The following FOCAD variants were observed in gnomAD, a reference collection of about 807,000 sequenced individuals.
FOCAD encodes the protein focadhesin, also known as KIAA1797.
Under a neutral mutation model 225.6 loss-of-function variants are expected in FOCAD, and 198 were observed. The ratio of observed to expected loss-of-function variants is 0.88; its 90% CI spans 0.78 to 0.99. The LOEUF is 0.99. Among genes scored for constraint, FOCAD ranks in the 50% least tolerant of loss-of-function variants. The pLI is 0.00. For missense variants in FOCAD, 2,713 were observed against 2,123.6 expected, an observed-to-expected ratio of 1.28 and a Z score of -5.46; for synonymous variants, 897 against 755.0, an observed-to-expected ratio of 1.19 and a Z score of -3.08.
chr9:20,870,289 C>T (rs1245794522), intron 18 of FOCAD, among the ~76,000 whole-genome samples: 1 of 152,184 alleles, frequency 6.6e-6, no homozygotes, highest in Non-Finnish European at 1.5e-5. Context: ...TCATCAGAAG[C>T]TGTTTCTCTT....
At chr9:20,682,461 T>G (rs983115885), upstream of FOCAD, among the ~76,000 whole-genome samples, 2 of 152,236 alleles carry the variant, frequency 1.3e-5, no homozygotes, top group African/African-American at 4.8e-5. Context: ...TACTTCAGGT[T>G]CCTTATTTAT....
rs762541869 is a variant in FOCAD at position 20,929,646 on chromosome 9, A to G, written c.3317+50A>G. The stretch of plus-strand genomic sequence containing the variant: ...CTTTTCTTCTTTGTGATTTTTTGCA[A>G]AGGATTTTGCACCCATATGCACCTA... On this transcript the variant is annotated intron_variant, in intron 27 of 43. Transcript: ENST00000338382. 98 of 1,559,422 alleles carry G rather than the reference A, an allele frequency of 6.3e-5. 1 individual carries two copies. The Admixed American group carries it at 1.6e-3, about 25-fold the overall frequency.
At chr9:20,678,009 T>G (rs1401114310) in intron 2 of FOCAD, among the ~76,000 whole-genome samples, 1 of 152,210 alleles carries the variant, frequency 6.6e-6, no homozygotes. Flanking sequence ...TTTTTATATA[T>G]CCTTTGCTTT....
chr9:20,940,247 A>G (rs976536503), intron 28 of FOCAD, among the ~76,000 whole-genome samples: 2 of 150,260 alleles, frequency 1.3e-5, no homozygotes, highest in African/African-American at 4.9e-5. Flanking sequence ...CATCATTACT[A>G]ATGCTCTCTA....
At chr9:20,944,804 C>T (rs1221510129) in intron 29 of FOCAD, 30 bp downstream of exon 29, 1 of 1,583,370 alleles carries the variant, frequency 6.3e-7, no homozygotes, top group South Asian at 1.1e-5. Context: ...TTTTTTTCCC[C>T]TCTGCTCTCT....
intron 39 of FOCAD, among the ~76,000 whole-genome samples, chr9:20,985,738 T>C (rs1460505651): frequency 6.6e-6 from 1 of 152,192 alleles, no homozygotes; most frequent in Admixed American, 6.5e-5. Context: ...CAAGGGCCAA[T>C]GTTTAATGGA....
intron 2 of FOCAD, among the ~76,000 whole-genome samples, chr9:20,659,679 C>T (rs1389309827): frequency 6.6e-6 from 1 of 152,194 alleles, no homozygotes; most frequent in Non-Finnish European, 1.5e-5. Context: ...CTAAGTCACC[C>T]AACCTGTGAT....
chr9:20,745,626 C>G (rs192461003), intron 5 of FOCAD, among the ~76,000 whole-genome samples: 1 of 152,234 alleles, frequency 6.6e-6, no homozygotes, highest in Non-Finnish European at 1.5e-5. Context: ...GATCTCTCTT[C>G]CCTCAGCTAA....
At chr9:20,894,589 C>A (rs12551121) in intron 21 of FOCAD, among the ~76,000 whole-genome samples, 41,702 of 151,902 alleles carry the variant, frequency 0.27, 5,961 homozygotes, top group South Asian at 0.37. Flanking sequence ...TATTTTAATT[C>A]GCATATCCCT....
At chr9:20,758,345 T>C (rs1399549031) in intron 6 of FOCAD, among the ~76,000 whole-genome samples, 154 bp downstream of exon 6, 1 of 151,888 alleles carries the variant, frequency 6.6e-6, no homozygotes, top group Non-Finnish European at 1.5e-5. Context: ...CAGGTTGTAG[T>C]TTTCTTTTCT....
intron 35 of FOCAD, among the ~76,000 whole-genome samples, chr9:20,972,898 T>G (rs1021405126): frequency 6.6e-6 from 1 of 152,004 alleles, no homozygotes; most frequent in Non-Finnish European, 1.5e-5. Context: ...TTTATTCTGG[T>G]TCCCTCTTCT....
intron 1 of FOCAD, among the ~76,000 whole-genome samples, chr9:20,697,115 G>C (rs1339453463): frequency 1.3e-5 from 2 of 152,092 alleles, no homozygotes; most frequent in Admixed American, 1.3e-4. Context: ...AACAGACTAA[G>C]ACATCAATTA....
intron 1 of FOCAD, among the ~76,000 whole-genome samples, chr9:20,698,381 C>A (rs1587251710): frequency 6.6e-6 from 1 of 151,782 alleles, no homozygotes; most frequent in African/African-American, 2.4e-5. Flanking sequence ...CACACACGCA[C>A]ACACACACAC....
intron 21 of FOCAD, among the ~76,000 whole-genome samples, chr9:20,905,037 C>G (rs1204450234): frequency 6.6e-6 from 1 of 151,924 alleles, no homozygotes; most frequent in Non-Finnish European, 1.5e-5. Flanking sequence ...AAGGGCATGA[C>G]TTTCTTCAAG....
chr9:20,753,277 T>G (rs1331707684), intron 5 of FOCAD, among the ~76,000 whole-genome samples: 691 of 122,302 alleles, frequency 5.6e-3, no homozygotes, highest in African/African-American at 0.012. Context: ...GCCCATTCAG[T>G]ATGATATTGG....
At chr9:20,663,915 A>G (rs1821817874) in intron 2 of FOCAD, among the ~76,000 whole-genome samples, 2 of 152,114 alleles carry the variant, frequency 1.3e-5, no homozygotes, top group African/African-American at 2.4e-5. Flanking sequence ...TCTATTCTTT[A>G]TTAATGTCAT....
intron 7 of FOCAD, among the ~76,000 whole-genome samples, chr9:20,768,424 G>A (rs1264634230): frequency 1.3e-5 from 2 of 151,966 alleles, no homozygotes; most frequent in African/African-American, 4.8e-5. Flanking sequence ...GGGCAGTATG[G>A]CCATTTTCAC....
intron 15 of FOCAD, among the ~76,000 whole-genome samples, chr9:20,841,119 G>C (rs989348367): frequency 6.6e-6 from 1 of 151,880 alleles, no homozygotes; most frequent in South Asian, 2.1e-4. Context: ...AATTTGGTTT[G>C]CTATTATTTT....
chr9:20,715,340 T>G lies in FOCAD; in HGVS notation c.-14T>G. 1 of 1,511,482 alleles carries G rather than the reference T, an allele frequency of 6.6e-7. No individual in the cohort carries two copies. The highest frequency in any genetic ancestry group is 8.9e-7 in the Non-Finnish European group (1 of 1,121,362). The allele number at this position is 1,511,482 out of a possible 1,614,324, so 93.6% of individuals were successfully genotyped here. On this transcript the variant is annotated 5_prime_UTR_variant, in exon 2 of 44. An upstream open reading frame in the 5' UTR loses its in-frame stop. Coordinates refer to ENST00000338382, the MANE Select transcript of FOCAD (RefSeq NM_001375567.1). ...GTTACAGAAGCTGCACACATACATGTAAGAGAAGCAAAAATGTCAGATGAT... is the reference window on the plus strand; with the variant it reads ...GTTACAGAAGCTGCACACATACATGGAAGAGAAGCAAAAATGTCAGATGAT...
Sources: gnomAD v4.1 joint callset for allele counts (sites outside exome capture counted in the v4.1 genomes callset) on GRCh38, gnomAD v4.1.1 for gene constraint, MANE v1.5 for transcripts, NCBI Gene and HGNC (gene_info 2026-07-23, HGNC 2026-07-21) for gene names.